The following CSMD3 variants were observed in gnomAD, a reference collection of about 807,000 sequenced individuals.
CSMD3 encodes the protein CUB and sushi domain-containing protein 3.
In CSMD3, 177 loss-of-function variants were observed where a neutral mutation model predicts 435.2. That is an observed-to-expected ratio of 0.41 (90% CI 0.36 to 0.46). The LOEUF is 0.46. Ranked by LOEUF, CSMD3 falls within the 20% of genes least tolerant of loss-of-function variation. The pLI, the probability that CSMD3 is intolerant of heterozygous loss-of-function variation, is 0.34. For synonymous variants in CSMD3, 1,656 were observed against 1,520.5 expected, an observed-to-expected ratio of 1.09 and a Z score of -2.07; for missense variants, 4,265 against 4,504.6, an observed-to-expected ratio of 0.95 and a Z score of 1.52.
intron 1 of CSMD3, among the ~76,000 whole-genome samples, chr8:113,432,295 A>T (rs2130091465): frequency 6.6e-6 from 1 of 152,168 alleles, no homozygotes; most frequent in East Asian, 1.9e-4. Context: ...TAACTTAGCA[A>T]CTCGGTGGTG....
intron 36 of CSMD3, among the ~76,000 whole-genome samples, chr8:112,385,697 A>T (rs1239760739): frequency 6.6e-6 from 1 of 152,186 alleles, no homozygotes; most frequent in Non-Finnish European, 1.5e-5. Flanking sequence ...GAAGTTATTA[A>T]ATTTTGTGTG....
At chr8:112,952,882 T>A (rs776700612) in intron 8 of CSMD3, among the ~76,000 whole-genome samples, 19 of 151,510 alleles carry the variant, frequency 1.3e-4, no homozygotes, top group Non-Finnish European at 2.5e-4. Context: ...TTTTTTTTCC[T>A]AGATATACAC....
intron 5 of CSMD3, among the ~76,000 whole-genome samples, chr8:113,075,023 C>G (rs938740692): frequency 2.0e-5 from 3 of 151,504 alleles, no homozygotes; most frequent in Non-Finnish European, 4.4e-5. Context: ...TGATAAGGAC[C>G]TACATTTTCA....
intron 1 of CSMD3, among the ~76,000 whole-genome samples, chr8:113,339,823 C>T (rs534607110): frequency 6.6e-6 from 1 of 152,012 alleles, no homozygotes; most frequent in African/African-American, 2.4e-5. Flanking sequence ...ACTATATGGT[C>T]GTTATATGCT....
chr8:113,066,040 A>T (rs1227985406), intron 5 of CSMD3, among the ~76,000 whole-genome samples: 3 of 145,444 alleles, frequency 2.1e-5, no homozygotes, highest in Non-Finnish European at 3.0e-5. Flanking sequence ...GCTCTGCTCA[A>T]TTTTTTTTTT....
At chr8:113,238,033 C>G (rs1354294649) in intron 3 of CSMD3, among the ~76,000 whole-genome samples, 1 of 147,650 alleles carries the variant, frequency 6.8e-6, no homozygotes, top group Non-Finnish European at 1.5e-5. Context: ...AGATATCACA[C>G]CATTGCACTC....
chr8:112,894,309 A>G (rs2081888661), intron 10 of CSMD3, among the ~76,000 whole-genome samples: 1 of 151,496 alleles, frequency 6.6e-6, no homozygotes, highest in East Asian at 2.0e-4. Flanking sequence ...TGAAGTGAAG[A>G]AGAGTGGAAT....
intron 13 of CSMD3, among the ~76,000 whole-genome samples, chr8:112,774,988 T>G (rs141094138): frequency 6.6e-6 from 1 of 151,970 alleles, no homozygotes; most frequent in African/African-American, 2.4e-5. Context: ...TAAGTACTTA[T>G]AGATAGGCCT....
At chr8:112,740,934 T>C (rs533323775) in intron 13 of CSMD3, among the ~76,000 whole-genome samples, 1 of 151,880 alleles carries the variant, frequency 6.6e-6, no homozygotes, top group Non-Finnish European at 1.5e-5. Flanking sequence ...GCTAGATAAG[T>C]AGATTTAGAA....
At chr8:112,993,262 G>A (rs952563407) in intron 6 of CSMD3, among the ~76,000 whole-genome samples, 8 of 151,832 alleles carry the variant, frequency 5.3e-5, no homozygotes, top group Non-Finnish European at 1.2e-4. Context: ...GCAGGGAAAG[G>A]CCAGTGTAAT....
intron 5 of CSMD3, among the ~76,000 whole-genome samples, chr8:113,095,394 T>C (rs979263169): frequency 1.3e-5 from 2 of 152,188 alleles, no homozygotes; most frequent in African/African-American, 2.4e-5. Context: ...TAATTGCCTA[T>C]AATATCTCTT....
At chr8:112,375,819 C>A (rs1828889966) in intron 38 of CSMD3, among the ~76,000 whole-genome samples, 1 of 152,176 alleles carries the variant, frequency 6.6e-6, no homozygotes, top group Admixed American at 6.5e-5. Flanking sequence ...AAAACATATG[C>A]TGCTTTTGAT....
At chr8:112,492,268 T>A (rs911279662) in intron 31 of CSMD3, among the ~76,000 whole-genome samples, 2 of 152,264 alleles carry the variant, frequency 1.3e-5, no homozygotes, top group East Asian at 3.9e-4. Flanking sequence ...CCTATTATAG[T>A]ACACATATTG....
chr8:113,256,759 T>A (rs989885086), intron 3 of CSMD3, among the ~76,000 whole-genome samples: 2 of 152,204 alleles, frequency 1.3e-5, no homozygotes, highest in African/African-American at 4.8e-5. Context: ...TTAGTGATGA[T>A]ACTTTGGAAT....
intron 22 of CSMD3, among the ~76,000 whole-genome samples, chr8:112,636,582 A>G (rs1304711999): frequency 7.9e-6 from 1 of 126,438 alleles, no homozygotes. Flanking sequence ...CTATCTATCT[A>G]TCTAATTTGT....
At chr8:112,344,249 A>G (rs1376568462) in intron 41 of CSMD3, among the ~76,000 whole-genome samples, 1 of 152,114 alleles carries the variant, frequency 6.6e-6, no homozygotes, top group Non-Finnish European at 1.5e-5. Context: ...TGCATTTCCT[A>G]TACTAGGCTG....
At chr8:112,627,447 C>A (rs1834575461) in intron 22 of CSMD3, among the ~76,000 whole-genome samples, 1 of 152,006 alleles carries the variant, frequency 6.6e-6, no homozygotes, top group Non-Finnish European at 1.5e-5. Flanking sequence ...AGGACATGAC[C>A]CTCTGCAACA....
intron 4 of CSMD3, among the ~76,000 whole-genome samples, chr8:113,101,163 C>A (rs1018803777): frequency 3.3e-5 from 5 of 152,108 alleles, no homozygotes; most frequent in African/African-American, 1.2e-4. Flanking sequence ...AGAGGTGTCC[C>A]CATCAGTTCC....
chr8:112,817,084 T>C (rs1184331100), intron 12 of CSMD3, among the ~76,000 whole-genome samples: 1 of 152,142 alleles, frequency 6.6e-6, no homozygotes, highest in Non-Finnish European at 1.5e-5. Context: ...TAGTGCATAC[T>C]CACAAAATTT....
Sources: allele counts gnomAD v4.1 joint callset (sites outside exome capture counted in the v4.1 genomes callset), GRCh38; gene constraint gnomAD v4.1.1; transcripts MANE v1.5; gene names NCBI Gene and HGNC (gene_info 2026-07-23, HGNC 2026-07-21).